Variants in ZYG11A observed in about 807,000 individuals in gnomAD.
ZYG11A encodes protein zyg-11 homolog A.
In ZYG11A, 62 loss-of-function variants were observed where a neutral mutation model predicts 77.2. The observed-to-expected ratio is 0.80, with a 90% CI of 0.65 to 0.99. The LOEUF (loss-of-function observed/expected upper bound fraction) is 0.99. Ranked by LOEUF, ZYG11A falls within the 50% of genes least tolerant of loss-of-function variation. The pLI, the probability that ZYG11A is intolerant of heterozygous loss-of-function variation, is 0.00. For synonymous variants in ZYG11A, 315 were observed against 324.6 expected (o/e 0.97, Z 0.32); for missense variants, 828 against 896.8 (o/e 0.92, Z 0.98).
At chr1:52,870,189 CGGCCGGG>C (rs1235769388) in intron 8 of ZYG11A, among the ~76,000 whole-genome samples, 3 of 65,664 alleles carry the variant, frequency 4.6e-5, no homozygotes, top group Non-Finnish European at 1.9e-4. Context: ...GATGGGATGG[CGGCCGGG>C]AAGAGACGCT....
In ZYG11A at chr1:52,877,793, A is replaced by G. The variant is rs1202453639; in HGVS notation, c.1654A>G (p.Lys552Glu). ...NLTDGSPAAC[K>E]HFIENQGLQI... is the part of the protein sequence containing the mutation. The stretch of plus-strand genomic sequence containing the variant: ...TACAGATGGGTCTCCAGCTGCCTGC[A>G]AGCACTTCATTGAAAATCAAGGATT... Residue 552 changes from lysine to glutamate, a missense_variant, in exon 9 of 14, where the codon AAG (lysine) becomes GAG (glutamate). Lys to Glu is a moderately conservative substitution (Grantham distance 56). Transcript: ENST00000371528. 17 of 1,551,796 alleles carry G rather than the reference A, an allele frequency of 1.1e-5. No individual in the cohort carries two copies. Among genetic ancestry groups the G allele is most frequent in the Non-Finnish European group, 1.5e-5 (17 of 1,147,006 alleles).
intron 5 of ZYG11A, among the ~76,000 whole-genome samples, chr1:52,864,793 C>T (rs1000118360): frequency 2.6e-4 from 39 of 150,854 alleles, no homozygotes; most frequent in Admixed American, 2.6e-4. Context: ...TACAGGCGCT[C>T]GCCACCATGC....
chr1:52,857,301 G>C lies in ZYG11A; in HGVS notation c.560G>C (p.Ser187Thr). The part of the protein sequence containing the change: ...FSQLTGLRIL[S>T]VFNVCFHTED... ...CAGCTCACTGGTCTTCGCATTTTAA[G>C]TGTTTTTAATGTTTGTTTTCATACT... is the stretch of plus-strand genomic sequence containing the variant. The change falls in exon 3 of 14, where the codon AGT becomes ACT. Residue 187 changes from serine to threonine, a missense_variant. By Grantham distance (58) the Ser-to-Thr change is moderately conservative. Transcript: ENST00000371528. 1 of 1,551,986 alleles carries C rather than the reference G, an allele frequency of 6.4e-7. No homozygotes were observed. The highest frequency in any genetic ancestry group is 8.7e-7 in the Non-Finnish European group (1 of 1,147,072).
At chr1:52,885,280 C>CT (rs1646429142) in intron 11 of ZYG11A, among the ~76,000 whole-genome samples, 1 of 150,434 alleles carries the variant, frequency 6.6e-6, no homozygotes, top group Non-Finnish European at 1.5e-5. Context: ...TTTTAAGTCT[C>CT]TTAGGGGTTC....
chr1:52,885,801 A>G, intron 11 of ZYG11A, 32 bp from the exon 12 acceptor site: 1 of 1,473,338 alleles, frequency 6.8e-7, no homozygotes, highest in Non-Finnish European at 9.1e-7. Context: ...GATTATTCAA[A>G]TGTTGGTTTC....
At position 52,879,586 on chromosome 1, in the gene ZYG11A, A is replaced by G. The variant is rs116375002; in HGVS notation, c.1749+1617A>G. On this transcript the variant is annotated intron_variant, in intron 10 of 13. Coordinates refer to ENST00000371528, the MANE Select transcript of ZYG11A (RefSeq NM_001004339.3). The stretch of plus-strand genomic sequence containing the variant: ...TATTTATAATGTAATCAATAAGTGT[A>G]ATCATTGAGGAACACTGTAAAATGG... Among the ~76,000 whole-genome samples the G allele has an allele frequency of 4.7e-3, 711 of 152,234 alleles. 7 individuals carry two copies. The highest frequency in any genetic ancestry group is 0.017 in the African/African-American group (687 of 41,560).
chr1:52,884,038 T>C (rs955140439), intron 11 of ZYG11A, among the ~76,000 whole-genome samples: 1 of 151,784 alleles, frequency 6.6e-6, no homozygotes, highest in Non-Finnish European at 1.5e-5. Context: ...CATGCCCAGT[T>C]AATTTTTGTA....
At chr1:52,843,684 CTTTCT>C (rs1485770640) in intron 1 of ZYG11A, among the ~76,000 whole-genome samples, 33 of 120,896 alleles carry the variant, frequency 2.7e-4, no homozygotes, top group African/African-American at 1.0e-3. Flanking sequence ...TCTTTTCTTT[CTTTCT>C]TTTTTTTTTT....
intron 12 of ZYG11A, among the ~76,000 whole-genome samples, chr1:52,886,153 C>T (rs1013906178): frequency 6.6e-6 from 1 of 152,034 alleles, no homozygotes; most frequent in African/African-American, 2.4e-5. Context: ...AGGATGGTCT[C>T]GATCTCCTGA....
intron 3 of ZYG11A, 36 bp from the exon 4 acceptor site, chr1:52,860,695 A>G: frequency 6.5e-7 from 1 of 1,543,454 alleles, no homozygotes; most frequent in Non-Finnish European, 8.7e-7. Context: ...AAAAATATGA[A>G]TGGTGAAACC....
At chr1:52,852,214 A>G (rs1400137417) in intron 1 of ZYG11A, among the ~76,000 whole-genome samples, 1 of 149,150 alleles carries the variant, frequency 6.7e-6, no homozygotes, top group African/African-American at 2.5e-5. Context: ...GTGCCTGGCC[A>G]GTTTTTGTAT....
intron 4 of ZYG11A, among the ~76,000 whole-genome samples, chr1:52,863,752 G>C (rs140332600): frequency 3.3e-5 from 5 of 152,124 alleles, no homozygotes; most frequent in African/African-American, 1.2e-4. Context: ...AAGAAATAGA[G>C]GTCTAGAGAA....
intron 5 of ZYG11A, 64 bp downstream of exon 5, chr1:52,864,221 C>T: frequency 1.4e-6 from 2 of 1,470,800 alleles, no homozygotes; most frequent in East Asian, 2.5e-5. Flanking sequence ...AGCTCTGTTG[C>T]CCAGGCCAGA....
At chr1:52,866,608 T>C in intron 6 of ZYG11A, 41 bp downstream of exon 6, 1 of 1,279,258 alleles carries the variant, frequency 7.8e-7, no homozygotes, top group South Asian at 1.3e-5. Flanking sequence ...GTGTTGGCCT[T>C]TGGTTATTAA....
At position 52,858,090 on chromosome 1, in the gene ZYG11A, C is replaced by T. The variant is rs75222885; in HGVS notation, c.1008+341C>T. 4.6e-3 allele frequency among the ~76,000 whole-genome samples: 687 copies of T among 149,668 alleles called. 15 individuals carry two copies. Among genetic ancestry groups the T allele is most frequent in the East Asian group, 0.037 (177 of 4,734 alleles). On this transcript the variant is annotated intron_variant, in intron 3 of 13. Coordinates refer to ENST00000371528, the MANE Select transcript of ZYG11A (RefSeq NM_001004339.3). The stretch of plus-strand genomic sequence containing the variant: ...GCATGAGCCACTGTGCCTGGCCACA[C>T]GTGAGAATATAATATTAAGATACAG...
At chr1:52,890,249 GTTTTTTTTT>G (rs908467307) in intron 13 of ZYG11A, among the ~76,000 whole-genome samples, 3 of 71,656 alleles carry the variant, frequency 4.2e-5, no homozygotes, top group South Asian at 5.9e-4. Context: ...TTTTCTTTTA[GTTTTTTTTT>G]TTTTTTTTTT....
Position 52,860,826 on chromosome 1 carries a change from C to G in ZYG11A, c.1104C>G (p.Phe368Leu). 6.4e-7 allele frequency: 1 copy of G among 1,551,660 alleles called. No homozygotes were observed. Among genetic ancestry groups the G allele is most frequent in the Non-Finnish European group, 8.7e-7 (1 of 1,146,970 alleles). ...CFVKEALHRL[F>L]TETFSMEVTM... ...TGAAGGAAGCCCTCCACAGGCTGTTCACAGAGACATTTTCAATGGAGGTAA... is the reference window on the plus strand; with the variant it reads ...TGAAGGAAGCCCTCCACAGGCTGTTGACAGAGACATTTTCAATGGAGGTAA... The change falls in exon 4 of 14, where the codon TTC (phenylalanine) becomes TTG (leucine). Residue 368 changes from phenylalanine (F) to leucine (L), a missense_variant. Coordinates refer to ENST00000371528, the MANE Select transcript of ZYG11A (RefSeq NM_001004339.3).
intron 1 of ZYG11A, among the ~76,000 whole-genome samples, chr1:52,847,880 ATTT>A (rs758073091): frequency 0.088 from 3,761 of 42,542 alleles, 97 homozygotes; most frequent in South Asian, 0.16. Flanking sequence ...TTATTTATTT[ATTT>A]TTTTGAGATG....
chr1:52,862,097 T>C (rs966036631), intron 4 of ZYG11A, among the ~76,000 whole-genome samples: 2 of 151,410 alleles, frequency 1.3e-5, no homozygotes, highest in African/African-American at 4.8e-5. Context: ...TAATCCCAGC[T>C]ACTCAGGAGG....
Sources: allele counts gnomAD v4.1 joint callset (sites outside exome capture counted in the v4.1 genomes callset), GRCh38; gene constraint gnomAD v4.1.1; transcripts MANE v1.5; gene names NCBI Gene and HGNC (gene_info 2026-07-23, HGNC 2026-07-21).